The following ENOX2 variants were observed in gnomAD, a reference collection of about 807,000 sequenced individuals.
ENOX2 encodes the protein APK1 antigen.
In ENOX2, 36 loss-of-function variants were observed where a neutral mutation model predicts 45.0. That is an observed-to-expected ratio of 0.80 (90% CI 0.61 to 1.06). ENOX2 has a LOEUF of 1.06. Ranked by LOEUF, ENOX2 falls within the 50% of genes least tolerant of loss-of-function variation. The pLI is 0.00. For missense variants in ENOX2, 423 were observed against 462.5 expected, an observed-to-expected ratio of 0.91 and a Z score of 0.78; for synonymous variants, 174 against 152.3, an observed-to-expected ratio of 1.14 and a Z score of -1.05.
chrX:130,819,775 T>C (rs1018305346), intron 2 of ENOX2, among the ~76,000 whole-genome samples: 10 of 111,188 alleles, frequency 9.0e-5, no homozygotes, highest in African/African-American at 3.3e-4. Context: ...GACAGGTTGA[T>C]GGGTGCAGCA....
At chrX:130,831,610 C>T (rs2077830231) in intron 2 of ENOX2, among the ~76,000 whole-genome samples, 1 of 111,532 alleles carries the variant, frequency 9.0e-6, no homozygotes, top group Admixed American at 9.5e-5. Flanking sequence ...CCTCAATTAT[C>T]AGGTCTCAGC....
chrX:130,861,418 C>T lies in ENOX2; in HGVS notation c.-183+40266G>A, dbSNP rs376149324. The stretch of plus-strand genomic sequence containing the variant: ...ACACACACACACACAACCAACCACA[C>T]CCTAGAACAATTATCTAGTCTTAAA... On this transcript the variant is annotated intron_variant, in intron 2 of 14. Coordinates refer to ENST00000394363, the MANE Select transcript of ENOX2 (RefSeq NM_006375.4). Among the ~76,000 whole-genome samples, 12 of 111,540 alleles carry T rather than the reference C, an allele frequency of 1.1e-4. No homozygotes were observed. In the East Asian group the frequency reaches 3.4e-3, roughly 31 times the overall value.
chrX:130,687,112 C>G (rs764990558), intron 5 of ENOX2, among the ~76,000 whole-genome samples: 2 of 111,799 alleles, frequency 1.8e-5, no homozygotes, highest in Non-Finnish European at 3.8e-5. Context: ...AAAGTTAGAG[C>G]CTTCTTAAGC....
chrX:130,683,073 A>G (rs1267140492), intron 5 of ENOX2, among the ~76,000 whole-genome samples: 4 of 112,321 alleles, frequency 3.6e-5, no homozygotes, highest in African/African-American at 1.3e-4. Flanking sequence ...GGGAATAAAA[A>G]GAACTCTAAT....
At chrX:130,847,554 A>C (rs1315490068) in intron 2 of ENOX2, among the ~76,000 whole-genome samples, 2 of 111,911 alleles carry the variant, frequency 1.8e-5, no homozygotes, top group African/African-American at 6.5e-5. Flanking sequence ...TAGAAAAATC[A>C]GGACTAAAAC....
intron 3 of ENOX2, among the ~76,000 whole-genome samples, chrX:130,756,522 C>T (rs2039359594): frequency 8.9e-6 from 1 of 111,948 alleles, no homozygotes; most frequent in African/African-American, 3.2e-5. Flanking sequence ...CTGAATACTA[C>T]CTGTGGATAG....
At chrX:130,902,887 A>G (rs2079171191) in intron 1 of ENOX2, among the ~76,000 whole-genome samples, 162 bp downstream of exon 1, 1 of 107,806 alleles carries the variant, frequency 9.3e-6, no homozygotes. Flanking sequence ...AGAGCTCAAA[A>G]GCCCACCCCC....
chrX:130,633,165 G>C (rs907037766), intron 12 of ENOX2, among the ~76,000 whole-genome samples: 5 of 111,795 alleles, frequency 4.5e-5, no homozygotes, highest in Non-Finnish European at 7.5e-5. Flanking sequence ...TCCGCACTAA[G>C]ACAGACATAA....
chrX:130,838,188 C>T (rs2077958743), intron 2 of ENOX2, among the ~76,000 whole-genome samples: 1 of 111,409 alleles, frequency 9.0e-6, no homozygotes, highest in Non-Finnish European at 1.9e-5. Context: ...ATGAGACCAG[C>T]CTGGCCAACA....
In ENOX2 at chrX:130,877,910, T is replaced by C. The variant is rs185627763; in HGVS notation, c.-183+23774A>G. 1.8e-3 allele frequency among the ~76,000 whole-genome samples: 200 copies of C among 112,185 alleles called. 1 individual carries two copies. The highest frequency in any genetic ancestry group is 6.0e-3 in the African/African-American group (184 of 30,906). The stretch of plus-strand genomic sequence containing the variant: ...ACAGGCAACACAATACAGTAGGTGC[T>C]AGCTAAGTAGTGCTGGCTGACTTAT... On this transcript the variant is annotated intron_variant, in intron 2 of 14. Transcript: ENST00000394363.
At chrX:130,820,362 GTAATA>G (rs1345085747) in intron 2 of ENOX2, among the ~76,000 whole-genome samples, 2 of 112,085 alleles carry the variant, frequency 1.8e-5, no homozygotes, top group African/African-American at 6.5e-5. Context: ...ATTGTTGGTG[GTAATA>G]TAAATTAGTA....
chrX:130,664,492 A>G (rs1390250250), intron 9 of ENOX2, among the ~76,000 whole-genome samples: 1 of 112,749 alleles, frequency 8.9e-6, no homozygotes, highest in East Asian at 2.8e-4. Context: ...TATGAAATCT[A>G]TACCTACTCA....
At chrX:130,649,848 T>C (rs1448004030) in intron 10 of ENOX2, among the ~76,000 whole-genome samples, 1 of 111,664 alleles carries the variant, frequency 9.0e-6, no homozygotes, top group Non-Finnish European at 1.9e-5. Flanking sequence ...GTGAAGATGA[T>C]TTTTATATAC....
chrX:130,653,776 A>G (rs2036469475), intron 10 of ENOX2, among the ~76,000 whole-genome samples: 1 of 112,402 alleles, frequency 8.9e-6, no homozygotes, highest in South Asian at 3.7e-4. Context: ...AAACTCTTGA[A>G]GTGGAAATAA....
At chrX:130,713,728 G>A (rs1293367314) in intron 3 of ENOX2, among the ~76,000 whole-genome samples, 3 of 110,310 alleles carry the variant, frequency 2.7e-5, no homozygotes, top group African/African-American at 9.9e-5. Flanking sequence ...AAAAAGCATA[G>A]ATGGGCCTAA....
At chrX:130,740,187 G>A (rs1161039954) in intron 3 of ENOX2, among the ~76,000 whole-genome samples, 2 of 111,783 alleles carry the variant, frequency 1.8e-5, no homozygotes, top group African/African-American at 6.5e-5. Flanking sequence ...GATCGCCTGA[G>A]GCCAGGAGTT....
intron 2 of ENOX2, among the ~76,000 whole-genome samples, chrX:130,805,766 A>C (rs1016498948): frequency 6.3e-5 from 7 of 111,814 alleles, no homozygotes; most frequent in Non-Finnish European, 1.3e-4. Context: ...AGGCAGACAT[A>C]GTGAATGGAG....
At chrX:130,655,276 C>T (rs774945917) in intron 10 of ENOX2, among the ~76,000 whole-genome samples, 1 of 112,103 alleles carries the variant, frequency 8.9e-6, no homozygotes, top group South Asian at 3.7e-4. Flanking sequence ...AGGGTTCAAA[C>T]ATATGGCAAA....
At chrX:130,898,713 A>T (rs1328457823) in intron 2 of ENOX2, among the ~76,000 whole-genome samples, 1 of 109,796 alleles carries the variant, frequency 9.1e-6, no homozygotes, top group Non-Finnish European at 1.9e-5. Context: ...CTAGTATTGT[A>T]CATTTAAGAT....
Sources: allele counts gnomAD v4.1 joint callset (sites outside exome capture counted in the v4.1 genomes callset), GRCh38; gene constraint gnomAD v4.1.1; transcripts MANE v1.5; gene names NCBI Gene and HGNC (gene_info 2026-07-23, HGNC 2026-07-21).